The following ALCAM variants were observed in gnomAD, a reference collection of about 807,000 sequenced individuals.
ALCAM encodes activated leukocyte cell adhesion molecule, also known as CD166 antigen.
A neutral mutation model predicts 70.9 loss-of-function variants in ALCAM; 30 were observed. The ratio of observed to expected loss-of-function variants is 0.42; its 90% CI spans 0.32 to 0.57. The LOEUF is 0.57. Among genes scored for constraint, ALCAM ranks in the 20% least tolerant of loss-of-function variants. The pLI, the probability that ALCAM is intolerant of heterozygous loss-of-function variation, is 0.11. For synonymous variants in ALCAM, 249 were observed against 242.5 expected (o/e 1.03, Z -0.25); for missense variants, 591 against 695.1 (o/e 0.85, Z 1.68).
At chr3:105,380,210 T>G (rs1323071829) in intron 1 of ALCAM, among the ~76,000 whole-genome samples, 1 of 151,888 alleles carries the variant, frequency 6.6e-6, no homozygotes, top group African/African-American at 2.4e-5. Context: ...TCCCAAATTG[T>G]ATTTTCAAGC....
rs1445454614 is a variant in ALCAM, at chr3:105,417,979, T to C, written c.73+50498T>C. On this transcript the variant is annotated intron_variant, in intron 1 of 15. Transcript: ENST00000306107. ...GCTATAATCTGAGGAGGAGATGCAG[T>C]GATCTAAAGGTAAAAGTATCAGAAA... is the stretch of plus-strand genomic sequence containing the variant. 4.0e-5 allele frequency among the ~76,000 whole-genome samples: 6 copies of C among 151,684 alleles called. No homozygotes were observed. The East Asian group carries it at 1.2e-3, about 29-fold the overall frequency.
At chr3:105,397,571 A>G (rs1443670148) in intron 1 of ALCAM, among the ~76,000 whole-genome samples, 2 of 151,864 alleles carry the variant, frequency 1.3e-5, no homozygotes, top group East Asian at 1.9e-4. Context: ...TAGGTAGTAG[A>G]TTCCATTTTT....
At chr3:105,463,528 T>C (rs1178439924) in intron 1 of ALCAM, among the ~76,000 whole-genome samples, 1 of 151,488 alleles carries the variant, frequency 6.6e-6, no homozygotes, top group Non-Finnish European at 1.5e-5. Flanking sequence ...AATAAAACTT[T>C]CTTGTTAAAT....
chr3:105,524,351 G>A lies in ALCAM; in HGVS notation c.237G>A (p.Gln79=). ...AFRSSTKKSV[Q]YDDVPEYKDR... is the part of the protein sequence containing the mutation. Reference sequence around the variant, plus strand: ...GATCCTCTACAAAGAAAAGTGTGCAGTACGACGATGTACCAGAATACAAAG... The same window carrying A: ...GATCCTCTACAAAGAAAAGTGTGCAATACGACGATGTACCAGAATACAAAG... Residue 79 remains glutamine, a synonymous_variant, in exon 3 of 16, where the codon CAG becomes CAA. Coordinates refer to ENST00000306107, the MANE Select transcript of ALCAM (RefSeq NM_001627.4). 2 of 1,614,122 alleles carry A rather than the reference G, an allele frequency of 1.2e-6. No individual in the cohort carries two copies. Among genetic ancestry groups the A allele is most frequent in the South Asian group, 2.2e-5 (2 of 91,080 alleles).
At chr3:105,448,478 A>G (rs1353139074) in intron 1 of ALCAM, among the ~76,000 whole-genome samples, 3 of 151,962 alleles carry the variant, frequency 2.0e-5, no homozygotes, top group Non-Finnish European at 4.4e-5. Flanking sequence ...GCCTCTATAC[A>G]TGATACTGCC....
intron 1 of ALCAM, among the ~76,000 whole-genome samples, chr3:105,377,818 T>G (rs1403695120): frequency 1.3e-5 from 2 of 152,054 alleles, no homozygotes; most frequent in Non-Finnish European, 2.9e-5. Flanking sequence ...GACAGCCACA[T>G]TTGAGCCATA....
At chr3:105,478,722 C>A (rs966441877) in intron 1 of ALCAM, among the ~76,000 whole-genome samples, 1 of 152,076 alleles carries the variant, frequency 6.6e-6, no homozygotes, top group African/African-American at 2.4e-5. Context: ...AAAAACTAAA[C>A]TCTGCAAATA....
intron 14 of ALCAM, among the ~76,000 whole-genome samples, chr3:105,570,721 T>G (rs987189391): frequency 6.6e-6 from 1 of 152,248 alleles, no homozygotes; most frequent in East Asian, 1.9e-4. Flanking sequence ...TATAATCATA[T>G]GCACCATTAT....
chr3:105,401,362 A>G (rs142675385), intron 1 of ALCAM, among the ~76,000 whole-genome samples: 1 of 152,338 alleles, frequency 6.6e-6, no homozygotes, highest in East Asian at 1.9e-4. Context: ...AAGTTTCCTT[A>G]GGGGCTGAGA....
intron 1 of ALCAM, among the ~76,000 whole-genome samples, chr3:105,447,106 C>A (rs1937318925): frequency 6.6e-6 from 1 of 152,068 alleles, no homozygotes; most frequent in South Asian, 2.1e-4. Flanking sequence ...ATCACAACAT[C>A]ACACTATATA....
intron 14 of ALCAM, among the ~76,000 whole-genome samples, chr3:105,555,819 T>A (rs1173897747): frequency 2.0e-5 from 3 of 151,954 alleles, no homozygotes; most frequent in Admixed American, 2.0e-4. Context: ...AAATGACATA[T>A]TCATTTAGGA....
intron 14 of ALCAM, 126 bp from the exon 15 acceptor site, chr3:105,571,726 T>C: frequency 1.5e-6 from 1 of 673,370 alleles, no homozygotes; most frequent in Non-Finnish European, 2.5e-6. Context: ...ATATGGAAAT[T>C]TTTGCCTAGC....
At chr3:105,529,001 G>A (rs572658389) in intron 3 of ALCAM, among the ~76,000 whole-genome samples, 7 of 152,008 alleles carry the variant, frequency 4.6e-5, no homozygotes, top group Admixed American at 1.3e-4. Context: ...ACACACATGC[G>A]TGCACACGCA....
At position 105,550,220 on chromosome 3, in the gene ALCAM, C is replaced by T; in HGVS notation, c.1468C>T (p.Gln490Ter). 4.4e-6 allele frequency: 7 copies of T among 1,608,568 alleles called. No individual in the cohort carries two copies. The highest frequency in any genetic ancestry group is 5.9e-6 in the Non-Finnish European group (7 of 1,176,540). The change falls in exon 12 of 16, where the codon CAA becomes TAA. Residue 490 changes from glutamine (Q) to a stop codon, truncating the protein, a stop_gained. Transcript: ENST00000306107. LOFTEE classifies it high-confidence loss of function. ...NVTLTCTAEN[Q>*]LERTVNSLNV... ...TACATTAACTTGCACAGCAGAAAAC[C>T]AACTGGAGAGAACAGTAAACTCCTT...
chr3:105,546,972 G>T (rs1297804741), intron 9 of ALCAM, among the ~76,000 whole-genome samples, 177 bp from the exon 10 acceptor site: 2 of 151,466 alleles, frequency 1.3e-5, no homozygotes, highest in Non-Finnish European at 3.0e-5. Flanking sequence ...TGACATGTCT[G>T]ACTCTAAAAC....
At chr3:105,561,329 A>G (rs892985190) in intron 14 of ALCAM, among the ~76,000 whole-genome samples, 17 of 152,034 alleles carry the variant, frequency 1.1e-4, no homozygotes, top group African/African-American at 3.6e-4. Flanking sequence ...AATGGAGATA[A>G]TTTTACTCCT....
intron 1 of ALCAM, among the ~76,000 whole-genome samples, chr3:105,426,850 G>A (rs1936802541): frequency 1.3e-5 from 2 of 151,802 alleles, no homozygotes; most frequent in South Asian, 4.1e-4. Context: ...CAACAAAAAG[G>A]AATCATAGGA....
At chr3:105,552,005 G>C (rs574456870) in intron 12 of ALCAM, 139 bp from the exon 13 acceptor site, 2 of 522,472 alleles carry the variant, frequency 3.8e-6, no homozygotes, top group African/African-American at 4.1e-5. Context: ...TATTAAGTGT[G>C]ATTTTTTTTT....
chr3:105,572,511 C>A (rs1330119518), intron 15 of ALCAM, among the ~76,000 whole-genome samples: 1 of 152,092 alleles, frequency 6.6e-6, no homozygotes, highest in Non-Finnish European at 1.5e-5. Flanking sequence ...GGTTCCAAGT[C>A]TTTGCTATTG....
Sources: gnomAD v4.1 joint callset for allele counts (sites outside exome capture counted in the v4.1 genomes callset) on GRCh38, gnomAD v4.1.1 for gene constraint, MANE v1.5 for transcripts, NCBI Gene and HGNC (gene_info 2026-07-23, HGNC 2026-07-21) for gene names.